The following DOK6 variants were observed in gnomAD, a reference collection of about 807,000 sequenced individuals.
DOK6 encodes docking protein 6, also known as downstream of tyrosine kinase 6.
DOK6 carries 22 observed loss-of-function variants against 44.0 expected under a neutral mutation model. The observed-to-expected ratio is 0.50, with a 90% CI of 0.36 to 0.71. The LOEUF (loss-of-function observed/expected upper bound fraction) is 0.71. DOK6 is among the 30% of genes least tolerant of loss of function. The pLI is 0.00. For synonymous variants in DOK6, 166 were observed against 145.5 expected (o/e 1.14, Z -1.01); for missense variants, 340 against 416.4 (o/e 0.82, Z 1.60).
At chr18:69,659,164 G>C (rs1279344974) in intron 3 of DOK6, among the ~76,000 whole-genome samples, 1 of 152,192 alleles carries the variant, frequency 6.6e-6, no homozygotes, top group Non-Finnish European at 1.5e-5. Flanking sequence ...AGCTCTGCAT[G>C]TTCTCTGCTG....
intron 5 of DOK6, among the ~76,000 whole-genome samples, chr18:69,710,713 T>C (rs1986735938): frequency 6.6e-6 from 1 of 152,372 alleles, no homozygotes; most frequent in South Asian, 2.1e-4. Context: ...AAGTAGATCA[T>C]GGATTCATAA....
At chr18:69,498,247 T>A (rs138388125) in intron 1 of DOK6, among the ~76,000 whole-genome samples, 396 of 152,288 alleles carry the variant, frequency 2.6e-3, no homozygotes, top group African/African-American at 8.9e-3. Flanking sequence ...TTTTAATTTT[T>A]ATTAATGAAA....
chr18:69,644,470 C>T (rs1216506045), intron 3 of DOK6, among the ~76,000 whole-genome samples: 1 of 152,100 alleles, frequency 6.6e-6, no homozygotes, highest in Non-Finnish European at 1.5e-5. Context: ...ATTATCCTGC[C>T]TATGGATGTC....
At chr18:69,834,775 C>T (rs903779513) in intron 7 of DOK6, among the ~76,000 whole-genome samples, 2 of 152,216 alleles carry the variant, frequency 1.3e-5, no homozygotes, top group Non-Finnish European at 1.5e-5. Flanking sequence ...ATTTACTTAA[C>T]TGCCCAATTA....
intron 1 of DOK6, among the ~76,000 whole-genome samples, chr18:69,562,426 G>T (rs796537428): frequency 3.3e-5 from 5 of 152,222 alleles, no homozygotes; most frequent in African/African-American, 9.6e-5. Context: ...TGCTGTTTTG[G>T]TTACTGTAGC....
At chr18:69,820,272 T>C (rs1010829062) in intron 7 of DOK6, among the ~76,000 whole-genome samples, 2 of 152,210 alleles carry the variant, frequency 1.3e-5, no homozygotes, top group South Asian at 2.1e-4. Flanking sequence ...ACAAATACTT[T>C]AATGAACAAA....
intron 1 of DOK6, among the ~76,000 whole-genome samples, chr18:69,521,096 A>G (rs539244766): frequency 6.6e-6 from 1 of 152,044 alleles, no homozygotes; most frequent in Non-Finnish European, 1.5e-5. Flanking sequence ...TACACAACAG[A>G]TATTACTGTA....
At chr18:69,584,285 T>C (rs1250422436) in intron 2 of DOK6, among the ~76,000 whole-genome samples, 3 of 152,134 alleles carry the variant, frequency 2.0e-5, no homozygotes, top group African/African-American at 4.8e-5. Context: ...TTTTTTGTTG[T>C]TGCTGTTGTT....
intron 5 of DOK6, among the ~76,000 whole-genome samples, chr18:69,713,647 G>A (rs575760081): frequency 9.6e-4 from 146 of 152,176 alleles, no homozygotes; most frequent in Non-Finnish European, 1.6e-3. Flanking sequence ...TAAGTAAAAC[G>A]GCCTCTAAAA....
At chr18:69,403,316 T>C (rs549325137) in intron 1 of DOK6, among the ~76,000 whole-genome samples, 1 of 152,200 alleles carries the variant, frequency 6.6e-6, no homozygotes, top group African/African-American at 2.4e-5. Context: ...GTAACCCAAT[T>C]ATAACATAGG....
chr18:69,618,758 C>G (rs573647715), intron 3 of DOK6: 1 of 152,228 alleles, frequency 6.6e-6, no homozygotes, highest in Non-Finnish European at 1.5e-5. Context: ...CTCCCTCCCA[C>G]AACACATGGG....
chr18:69,675,672 A>G (rs1247253551), intron 3 of DOK6, among the ~76,000 whole-genome samples: 1 of 152,136 alleles, frequency 6.6e-6, no homozygotes, highest in Non-Finnish European at 1.5e-5. Context: ...TAATAATAAA[A>G]AAAAGAAAAA....
chr18:69,799,631 T>C (rs1280615604), intron 7 of DOK6, among the ~76,000 whole-genome samples: 1 of 152,100 alleles, frequency 6.6e-6, no homozygotes, highest in Non-Finnish European at 1.5e-5. Flanking sequence ...GAAAACTACT[T>C]CCACAACAAG....
At position 69,495,380 on chromosome 18, in the gene DOK6, A is replaced by G. The variant is rs375856363; in HGVS notation, c.67-69107A>G. On this transcript the variant is annotated intron_variant, in intron 1 of 7. Transcript: ENST00000382713. ...TCGAGTTCTTTTCCTGCATCCAGGA[A>G]GAATGAGGTATGCAGATAAGTGGAG... Among the ~76,000 whole-genome samples the G allele has an allele frequency of 8.5e-4, 130 of 152,354 alleles. 2 individuals carry two copies. The South Asian group carries it at 0.022, about 25-fold the overall frequency.
At chr18:69,557,114 C>T (rs1022412002) in intron 1 of DOK6, among the ~76,000 whole-genome samples, 12 of 152,132 alleles carry the variant, frequency 7.9e-5, no homozygotes, top group South Asian at 2.1e-4. Context: ...GCTTTCAGAA[C>T]GGAACACAAA....
rs72248499 is a variant in DOK6, at chr18:69,823,625, TTGTGTGTGTGTG to T, written c.857-17597_857-17586del. ...TTAGGAGAAGGAGAAGTGTGTGTGT[TTGTGTGTGTGTG>T]TGTGTGTGTGTGTGTGTGTGTATTT... is the stretch of plus-strand genomic sequence containing the variant. On this transcript the variant is annotated intron_variant, in intron 7 of 7. Coordinates refer to ENST00000382713, the MANE Select transcript of DOK6 (RefSeq NM_152721.6). Among the ~76,000 whole-genome samples, 106 of 146,868 alleles carry T rather than the reference TTGTGTGTGTGTG, an allele frequency of 7.2e-4. 2 individuals carry two copies. Among genetic ancestry groups the T allele is most frequent in the African/African-American group, 2.2e-3 (88 of 39,794 alleles).
At chr18:69,664,569 G>T (rs1985608912) in intron 3 of DOK6, among the ~76,000 whole-genome samples, 1 of 152,164 alleles carries the variant, frequency 6.6e-6, no homozygotes, top group African/African-American at 2.4e-5. Context: ...AAAACCACTA[G>T]CGGCCCTCTT....
At chr18:69,599,733 C>T (rs898691111) in intron 3 of DOK6, among the ~76,000 whole-genome samples, 1 of 152,194 alleles carries the variant, frequency 6.6e-6, no homozygotes, top group African/African-American at 2.4e-5. Flanking sequence ...GGTTTCCGTT[C>T]AAGCTTTGAG....
chr18:69,575,976 T>C (rs1353016852), intron 2 of DOK6, among the ~76,000 whole-genome samples: 1 of 152,150 alleles, frequency 6.6e-6, no homozygotes, highest in Non-Finnish European at 1.5e-5. Flanking sequence ...AATATTTTTA[T>C]GCTCAAATAT....
Sources: gnomAD v4.1 joint callset for allele counts (sites outside exome capture counted in the v4.1 genomes callset) on GRCh38, gnomAD v4.1.1 for gene constraint, MANE v1.5 for transcripts, NCBI Gene and HGNC (gene_info 2026-07-23, HGNC 2026-07-21) for gene names.